The following PPP1R14A variants were observed in gnomAD, a reference collection of about 807,000 sequenced individuals.
PPP1R14A encodes protein phosphatase 1 regulatory subunit 14A.
In PPP1R14A, 9 loss-of-function variants were observed where a neutral mutation model predicts 14.1. The ratio of observed to expected loss-of-function variants is 0.64; its 90% CI spans 0.38 to 1.11. PPP1R14A has a LOEUF of 1.11. Ranked by LOEUF, PPP1R14A falls within the 50% of genes most tolerant of loss-of-function variation. PPP1R14A has a pLI of 0.01. For missense variants in PPP1R14A, 208 were observed against 200.7 expected, an observed-to-expected ratio of 1.04 and a Z score of -0.22; for synonymous variants, 93 against 88.7, an observed-to-expected ratio of 1.05 and a Z score of -0.27.
At chr19:38,253,249 T>C in intron 1 of PPP1R14A, 1 of 418,540 alleles carries the variant, frequency 2.4e-6, no homozygotes. Flanking sequence ...TCTCTCGCCT[T>C]GGCTCTAGTT....
intron 1 of PPP1R14A, 152 bp downstream of exon 1, chr19:38,255,987 C>T (rs1968243404): frequency 1.5e-6 from 1 of 664,466 alleles, no homozygotes; most frequent in Non-Finnish European, 2.5e-6. Flanking sequence ...GATGGCCAGG[C>T]CAATGAGTGC....
chr19:38,254,281 A>G (rs1795447752), intron 1 of PPP1R14A, among the ~76,000 whole-genome samples: 1 of 152,122 alleles, frequency 6.6e-6, no homozygotes, highest in African/African-American at 2.4e-5. Context: ...CAGCCTGAGC[A>G]ACATAGCGAG....
In PPP1R14A at chr19:38,256,165, G is replaced by T; in HGVS notation, c.175C>A (p.Arg59Ser). 6.5e-7 allele frequency: 1 copy of T among 1,548,184 alleles called. No individual in the cohort carries two copies. Among genetic ancestry groups the T allele is most frequent in the South Asian group, 1.2e-5 (1 of 84,544 alleles). The stretch of plus-strand genomic sequence containing the variant: ...ATGCCGCGGTACAGCTCCTCCAGGC[G>T]CCCGTCGATCCACTTCTCCACGTCC... ...RLDVEKWIDGRLEELYRGMEA... is the reference protein window; with the variant it reads ...RLDVEKWIDGSLEELYRGMEA... The change falls in exon 1 of 4, where the codon CGC (arginine) becomes AGC (serine). Residue 59 changes from arginine to serine, a missense_variant. By Grantham distance (110) the Arg-to-Ser change is moderately radical. Coordinates refer to ENST00000301242, the MANE Select transcript of PPP1R14A (RefSeq NM_033256.3). This position sits in a 1 kb window ranked among gnomAD's most constrained non-coding sequence, Gnocchi z 5.7.
At position 38,256,315 on chromosome 19, in the gene PPP1R14A, G is replaced by C. The variant is rs1200349430; in HGVS notation, c.25C>G (p.Arg9Gly). 2 of 1,511,690 alleles carry C rather than the reference G, an allele frequency of 1.3e-6. No individual in the cohort carries two copies. Among genetic ancestry groups the C allele is most frequent in the Admixed American group, 4.1e-5 (2 of 48,822 alleles). 93.6% of individuals were successfully genotyped at this position (1,511,690 alleles called of 1,614,324 possible). MAAQRLGK[R>G]VLSKLQSPSR... is the part of the protein sequence containing the mutation. ...GGAGACTGCAGCTTGCTCAGCACGC[G>C]CTTGCCCAGCCGCTGAGCTGCCATC... The change falls in exon 1 of 4, where the codon CGC becomes GGC. Residue 9 changes from arginine (R) to glycine (G), a missense_variant. By Grantham distance (125) the Arg-to-Gly change is moderately radical. Transcript: ENST00000301242. The surrounding 1 kb of genome is among the most constrained non-coding windows in gnomAD (Gnocchi z 5.7).
exon 1 of PPP1R14A, chr19:38,256,372 TGCGCCTTCGCCTC>T: frequency 7.2e-7 from 1 of 1,387,678 alleles, no homozygotes; most frequent in Non-Finnish European, 9.3e-7. This position sits in a 1 kb window ranked among gnomAD's most constrained non-coding sequence, Gnocchi z 5.7. Context: ...CCCCGCGCTG[TGCGCCTTCGCCTC>T]GCGCCCCGGG....
At chr19:38,255,811 C>A (rs2146257176) in intron 1 of PPP1R14A, among the ~76,000 whole-genome samples, 1 of 152,196 alleles carries the variant, frequency 6.6e-6, no homozygotes, top group Admixed American at 6.5e-5. Context: ...ATGACACCCC[C>A]CTTCCCCCAC....
At position 38,252,324 on chromosome 19, in the gene PPP1R14A, T is replaced by A. The variant is rs916378572; in HGVS notation, c.297A>T (p.Ser99=). Residue 99 remains serine, a synonymous_variant, in exon 3 of 4, where the codon TCA becomes TCT. Transcript: ENST00000301242. This position sits in a 1 kb window ranked among gnomAD's most constrained non-coding sequence, Gnocchi z 4.1. ...RSRKIQGLLK[S]CGKPVEDFIQ... is the part of the protein sequence containing the mutation. Reference sequence around the variant, plus strand: ...AACTCACCTCGACAGGTTTCCCACATGACTTCAGGAGTCCCTAAAACCCCC... The same window carrying A: ...AACTCACCTCGACAGGTTTCCCACAAGACTTCAGGAGTCCCTAAAACCCCC... 7 of 1,612,596 alleles carry A rather than the reference T, an allele frequency of 4.3e-6. No homozygotes were observed. In the African/African-American group the frequency reaches 9.3e-5, roughly 22 times the overall value.
rs538665651 is a variant in PPP1R14A at position 38,252,873 on chromosome 19, G to A, written c.282+21C>T. The A allele has an allele frequency of 3.2e-6, 5 of 1,576,906 alleles. No homozygotes were observed. The highest frequency in any genetic ancestry group is 1.7e-5 in the Admixed American group (1 of 59,974). ...AGGGAGGTGCAAAGTGGGAGGCTGGGGGACACGTCCCCCCACCTACCTGGA... is the reference window on the plus strand; with the variant it reads ...AGGGAGGTGCAAAGTGGGAGGCTGGAGGACACGTCCCCCCACCTACCTGGA... On this transcript the variant is annotated intron_variant, in intron 2 of 3. Coordinates refer to ENST00000301242, the MANE Select transcript of PPP1R14A (RefSeq NM_033256.3). This position sits in a 1 kb window ranked among gnomAD's most constrained non-coding sequence, Gnocchi z 4.1.
chr19:38,255,848 C>T (rs986296640), intron 1 of PPP1R14A, among the ~76,000 whole-genome samples: 4 of 152,056 alleles, frequency 2.6e-5, no homozygotes, highest in Non-Finnish European at 5.9e-5. Context: ...GCGGTTTCAG[C>T]TCAACTTAGC....
In PPP1R14A at chr19:38,252,765, A is replaced by T; in HGVS notation, c.282+129T>A. 1.3e-6 allele frequency: 1 copy of T among 761,622 alleles called. No individual in the cohort carries two copies. The highest frequency in any genetic ancestry group is 2.3e-6 in the Non-Finnish European group (1 of 431,434). 47.2% of individuals were successfully genotyped at this position (761,622 alleles called of 1,614,324 possible). A position where few individuals can be genotyped will look rare whatever the true frequency, so the allele number is the denominator to read the frequency against. ...CGGAGGGTTTTGTGAGGGTTAAGTG[A>T]GTGAATACATGTAAAGCCATCACAC... On this transcript the variant is annotated intron_variant, in intron 2 of 3. Coordinates refer to ENST00000301242, the MANE Select transcript of PPP1R14A (RefSeq NM_033256.3). The surrounding 1 kb of genome is among the most constrained non-coding windows in gnomAD (Gnocchi z 4.1).
At chr19:38,255,036 G>A (rs1265873506) in intron 1 of PPP1R14A, among the ~76,000 whole-genome samples, 1 of 152,030 alleles carries the variant, frequency 6.6e-6, no homozygotes, top group Non-Finnish European at 1.5e-5. Context: ...CGCCCGCCTC[G>A]GCCTCCCAAA....
At chr19:38,253,051 C>G in intron 1 of PPP1R14A, 77 bp from the exon 2 acceptor site, 1 of 1,170,216 alleles carries the variant, frequency 8.5e-7, no homozygotes, top group Non-Finnish European at 1.3e-6. Flanking sequence ...CTGCAGGAGC[C>G]CCACCGGCCC....
Position 38,252,780 on chromosome 19 carries a change from A to G in PPP1R14A, c.282+114T>C. 1 of 811,202 alleles carries G rather than the reference A, an allele frequency of 1.2e-6. No homozygotes were observed. Among genetic ancestry groups the G allele is most frequent in the Non-Finnish European group, 2.1e-6 (1 of 467,310 alleles). 50.3% of individuals were successfully genotyped at this position (811,202 alleles called of 1,614,324 possible). ...GGGTTAAGTGAGTGAATACATGTAAAGCCATCACACCAGTGCCCGGCATCT... is the reference window on the plus strand; with the variant it reads ...GGGTTAAGTGAGTGAATACATGTAAGGCCATCACACCAGTGCCCGGCATCT... On this transcript the variant is annotated intron_variant, in intron 2 of 3. Coordinates refer to ENST00000301242, the MANE Select transcript of PPP1R14A (RefSeq NM_033256.3). This position sits in a 1 kb window ranked among gnomAD's most constrained non-coding sequence, Gnocchi z 4.1.
In PPP1R14A at chr19:38,252,887, C is replaced by A. The variant is rs188676158; in HGVS notation, c.282+7G>T. 3.9e-5 allele frequency: 63 copies of A among 1,607,734 alleles called. No homozygotes were observed. Among genetic ancestry groups the A allele is most frequent in the Middle Eastern group, 1.7e-4 (1 of 6,046 alleles). ...TGGGAGGCTGGGGGACACGTCCCCCCACCTACCTGGATTTTCCGGCTTCTC... is the reference window on the plus strand; with the variant it reads ...TGGGAGGCTGGGGGACACGTCCCCCAACCTACCTGGATTTTCCGGCTTCTC... On this transcript the variant is annotated splice_region_variant and intron_variant, in intron 2 of 3. Transcript: ENST00000301242. The surrounding 1 kb of genome is among the most constrained non-coding windows in gnomAD (Gnocchi z 4.1).
rs934701648 is a variant in PPP1R14A at position 38,252,401 on chromosome 19, C to T, written c.283-63G>A. Reference sequence around the variant, plus strand: ...TGACTAACACCTACTCCCCTCCAGCCCCTTCCCTTTCCCAAAAGGCCCCAG... The same window carrying T: ...TGACTAACACCTACTCCCCTCCAGCTCCTTCCCTTTCCCAAAAGGCCCCAG... On this transcript the variant is annotated intron_variant, in intron 2 of 3. Transcript: ENST00000301242. This position sits in a 1 kb window ranked among gnomAD's most constrained non-coding sequence, Gnocchi z 4.1. The T allele has an allele frequency of 1.9e-6, 3 of 1,540,798 alleles. No individual in the cohort carries two copies. Among genetic ancestry groups the T allele is most frequent in the Non-Finnish European group, 2.7e-6 (3 of 1,123,686 alleles).
intron 1 of PPP1R14A, chr19:38,253,303 T>G: frequency 4.1e-6 from 1 of 243,172 alleles, no homozygotes; most frequent in Non-Finnish European, 7.9e-6. Context: ...GAATGTCAGA[T>G]TCTGGGATTC....
chr19:38,251,764 T>G, intron 3 of PPP1R14A: 3 of 389,284 alleles, frequency 7.7e-6, no homozygotes, highest in Non-Finnish European at 4.5e-6. Flanking sequence ...GAGAGAGACA[T>G]AAGGACAGAG....
chr19:38,255,219 G>A (rs1968233439), intron 1 of PPP1R14A, among the ~76,000 whole-genome samples: 1 of 152,122 alleles, frequency 6.6e-6, no homozygotes, highest in African/African-American at 2.4e-5. Context: ...GGCCTCTCAG[G>A]CTCAAGCAAT....
At chr19:38,255,035 C>T (rs573237584) in intron 1 of PPP1R14A, among the ~76,000 whole-genome samples, 2 of 151,754 alleles carry the variant, frequency 1.3e-5, no homozygotes, top group African/African-American at 2.4e-5. Flanking sequence ...CCGCCCGCCT[C>T]GGCCTCCCAA....
Sources: gnomAD v4.1 joint callset for allele counts (sites outside exome capture counted in the v4.1 genomes callset) on GRCh38, gnomAD v4.1.1 for gene constraint, Gnocchi (gnomAD v3.1) non-coding constraint, MANE v1.5 for transcripts, NCBI Gene and HGNC (gene_info 2026-07-23, HGNC 2026-07-21) for gene names.